Variants in CLEC16A observed in about 807,000 individuals in gnomAD.
CLEC16A encodes protein CLEC16A.
CLEC16A carries 51 observed loss-of-function variants against 109.5 expected under a neutral mutation model. The observed-to-expected ratio is 0.47, with a 90% CI of 0.37 to 0.59. The LOEUF (loss-of-function observed/expected upper bound fraction) is 0.59. Ranked by LOEUF, CLEC16A falls within the 20% of genes least tolerant of loss-of-function variation. CLEC16A has a pLI of 0.00. For synonymous variants in CLEC16A, 673 were observed against 564.2 expected (o/e 1.19, Z -2.73); for missense variants, 1,339 against 1,394.0 (o/e 0.96, Z 0.63).
intron 19 of CLEC16A, among the ~76,000 whole-genome samples, chr16:11,089,330 G>A (rs766763642): frequency 5.3e-5 from 8 of 152,122 alleles, no homozygotes; most frequent in East Asian, 1.9e-4. Flanking sequence ...CTTATCTGCC[G>A]TCATTGCATT....
chr16:11,023,016 TAA>T (rs2046207371), intron 12 of CLEC16A, among the ~76,000 whole-genome samples: 1 of 149,956 alleles, frequency 6.7e-6, no homozygotes, highest in African/African-American at 2.4e-5. Flanking sequence ...TGCAAAATCT[TAA>T]AAAGCATAAA....
chr16:10,979,245 C>A, intron 8 of CLEC16A, 84 bp from the exon 9 acceptor site: 1 of 1,299,612 alleles, frequency 7.7e-7, no homozygotes, highest in Non-Finnish European at 1.1e-6. Context: ...TTTGTTCACA[C>A]AGAAGGCTTT....
At chr16:11,153,976 C>A (rs748468786) in intron 22 of CLEC16A, among the ~76,000 whole-genome samples, 1 of 152,172 alleles carries the variant, frequency 6.6e-6, no homozygotes, top group African/African-American at 2.4e-5. Flanking sequence ...ACACACCTCC[C>A]CATAAGTGCC....
intron 20 of CLEC16A, among the ~76,000 whole-genome samples, chr16:11,121,795 G>T (rs977707348): frequency 2.5e-4 from 36 of 144,592 alleles, no homozygotes; most frequent in Admixed American, 2.0e-3. Context: ...CACGAGAATC[G>T]CTTGAACCCA....
chr16:11,014,683 A>G (rs1426067702), intron 11 of CLEC16A, among the ~76,000 whole-genome samples: 1 of 152,238 alleles, frequency 6.6e-6, no homozygotes, highest in African/African-American at 2.4e-5. Context: ...CCCCCTGGAA[A>G]TCCAGCCTCA....
At chr16:11,088,688 T>C (rs548096531) in intron 19 of CLEC16A, among the ~76,000 whole-genome samples, 71 of 152,260 alleles carry the variant, frequency 4.7e-4, no homozygotes, top group African/African-American at 1.7e-3. Flanking sequence ...GCACCCCTGC[T>C]CCTTTCACAG....
In CLEC16A at chr16:11,174,353, C is replaced by A; in HGVS notation, c.2807-3982C>A. ...GCATTTCCACAGTCGGCAGGGTCCG[C>A]GCTGGCAAGGTGGGCCAAGCTGGGC... On this transcript the variant is annotated intron_variant, in intron 23 of 23. Coordinates refer to ENST00000409790, the MANE Select transcript of CLEC16A (RefSeq NM_015226.3). This position sits in a 1 kb window ranked among gnomAD's most constrained non-coding sequence, Gnocchi z 4.7. 1 of 399,850 alleles carries A rather than the reference C, an allele frequency of 2.5e-6. No individual in the cohort carries two copies. 24.8% of individuals were successfully genotyped at this position (399,850 alleles called of 1,614,324 possible). A position where few individuals can be genotyped will look rare whatever the true frequency, so the allele number is the denominator to read the frequency against.
At chr16:11,040,250 G>A in intron 14 of CLEC16A, 1 of 198,762 alleles carries the variant, frequency 5.0e-6, no homozygotes, top group Non-Finnish European at 1.0e-5. Flanking sequence ...ACATTCGAAG[G>A]TTTAACGGGC....
chr16:11,020,953 C>G (rs577360312), intron 12 of CLEC16A, among the ~76,000 whole-genome samples: 1 of 152,364 alleles, frequency 6.6e-6, no homozygotes, highest in Non-Finnish European at 1.5e-5. Flanking sequence ...TAGCTGGTAG[C>G]AGGGCTTCAT....
chr16:11,086,935 G>A (rs1028393947), intron 19 of CLEC16A, among the ~76,000 whole-genome samples: 1 of 152,188 alleles, frequency 6.6e-6, no homozygotes, highest in South Asian at 2.1e-4. Flanking sequence ...TCCTCAGGGG[G>A]AGGCCCTCCA....
chr16:10,986,729 C>T lies in CLEC16A; in HGVS notation c.1071+3738C>T, dbSNP rs9926433. 8.9e-5 allele frequency among the ~76,000 whole-genome samples: 13 copies of T among 146,118 alleles called. No individual in the cohort carries two copies. In the East Asian group the frequency reaches 1.6e-3, roughly 17 times the overall value. On this transcript the variant is annotated intron_variant, in intron 10 of 23. Coordinates refer to ENST00000409790, the MANE Select transcript of CLEC16A (RefSeq NM_015226.3). ...TATCAGAATTTATTTCTTTAAGGCT[C>T]AATGTGTGTGTGTGTGTGTGTGTGT... is the stretch of plus-strand genomic sequence containing the variant.
intron 18 of CLEC16A, among the ~76,000 whole-genome samples, chr16:11,052,810 C>G (rs1404712744): frequency 6.6e-6 from 1 of 152,166 alleles, no homozygotes; most frequent in Non-Finnish European, 1.5e-5. Context: ...CTGGGAGATC[C>G]CCCCGCACCC....
chr16:11,052,149 G>T (rs959275288), intron 18 of CLEC16A, among the ~76,000 whole-genome samples: 1 of 152,186 alleles, frequency 6.6e-6, no homozygotes, highest in African/African-American at 2.4e-5. Context: ...CAGCTGCAGT[G>T]TGTGCTTCCG....
At chr16:10,985,570 G>A (rs919534914) in intron 10 of CLEC16A, among the ~76,000 whole-genome samples, 3 of 150,242 alleles carry the variant, frequency 2.0e-5, no homozygotes, top group Admixed American at 2.0e-4. Context: ...TTAGTTGCAT[G>A]ATTTCCAAGC....
At chr16:11,123,499 A>G (rs1016976860) in intron 20 of CLEC16A, among the ~76,000 whole-genome samples, 2 of 152,136 alleles carry the variant, frequency 1.3e-5, no homozygotes, top group Admixed American at 1.3e-4. Flanking sequence ...GGCACCAGCC[A>G]CCACCACCAG....
chr16:11,178,853 T>TTGTC lies in CLEC16A; in HGVS notation c.*164_*167dup. 7.0e-6 allele frequency: 4 copies of TTGTC among 569,890 alleles called. No homozygotes were observed. The highest frequency in any genetic ancestry group is 1.2e-5 in the Non-Finnish European group (4 of 330,496). The allele number at this position is 569,890 out of a possible 1,614,324, so 35.3% of individuals were successfully genotyped here. A position where few individuals can be genotyped will look rare whatever the true frequency, so the allele number is the denominator to read the frequency against. On this transcript the variant is annotated 3_prime_UTR_variant, in exon 24 of 24. Coordinates refer to ENST00000409790, the MANE Select transcript of CLEC16A (RefSeq NM_015226.3). This position sits in a 1 kb window ranked among gnomAD's most constrained non-coding sequence, Gnocchi z 6.5. ...CCCTTGAATGGGAAGAAGCCCCACG[T>TTGTC]TGTCCTTGAATTCCTTTTTCACTTT...
At chr16:11,177,721 G>A (rs1294025985) in intron 23 of CLEC16A, among the ~76,000 whole-genome samples, 2 of 152,126 alleles carry the variant, frequency 1.3e-5, no homozygotes, top group Non-Finnish European at 2.9e-5. Flanking sequence ...CGGGAAGCTC[G>A]GGACAATAAT....
chr16:11,060,702 C>G (rs1046078793), intron 18 of CLEC16A, among the ~76,000 whole-genome samples, 200 bp from the exon 19 acceptor site: 2 of 150,114 alleles, frequency 1.3e-5, no homozygotes, highest in Non-Finnish European at 2.9e-5. Flanking sequence ...TAACTGAAAA[C>G]AGGCTACTCC....
chr16:10,986,071 C>T (rs1372019530), intron 10 of CLEC16A, among the ~76,000 whole-genome samples: 2 of 117,164 alleles, frequency 1.7e-5, no homozygotes, highest in African/African-American at 6.8e-5. Context: ...CGCTCTGTCG[C>T]CCAGGCTGGA....
Sources: allele counts gnomAD v4.1 joint callset (sites outside exome capture counted in the v4.1 genomes callset), GRCh38; gene constraint gnomAD v4.1.1; non-coding constraint Gnocchi (gnomAD v3.1); transcripts MANE v1.5; gene names NCBI Gene and HGNC (gene_info 2026-07-23, HGNC 2026-07-21).